Variants in NBAS observed in about 807,000 individuals in gnomAD.
The protein encoded by NBAS is NAG/BC035112 fusion.
In NBAS, 219 loss-of-function variants were observed where a neutral mutation model predicts 302.5. The observed-to-expected ratio is 0.72, with a 90% confidence interval of 0.65 to 0.81. The LOEUF is 0.81. Among genes scored for constraint, NBAS ranks in the 30% least tolerant of loss-of-function variants. NBAS has a pLI of 0.00. For missense variants in NBAS, 2,932 were observed against 2,841.6 expected (o/e 1.03, Z -0.72); for synonymous variants, 1,118 against 1,021.6 (o/e 1.09, Z -1.80).
At chr2:15,474,666 T>C (rs2148586643) in intron 14 of NBAS, among the ~76,000 whole-genome samples, 1 of 152,234 alleles carries the variant, frequency 6.6e-6, no homozygotes, top group East Asian at 1.9e-4. Context: ...GTTCAGACGA[T>C]TCTCCTGCCT....
the NBAS span, among the ~76,000 whole-genome samples, chr2:14,864,818 G>T: frequency 1.3e-5 from 2 of 152,224 alleles, no homozygotes; most frequent in East Asian, 1.9e-4. Context: ...GTTGATGAAA[G>T]AATTAAATAC....
At chr2:14,994,189 G>A in the NBAS span, among the ~76,000 whole-genome samples, 40 of 152,176 alleles carry the variant, frequency 2.6e-4, no homozygotes, top group Non-Finnish European at 5.4e-4. Flanking sequence ...TGCTCAATAA[G>A]TGTATGTTTA....
At chr2:15,014,986 A>G in the NBAS span, among the ~76,000 whole-genome samples, 1 of 151,952 alleles carries the variant, frequency 6.6e-6, no homozygotes, top group Non-Finnish European at 1.5e-5. Context: ...AAAGGACATC[A>G]GAGACTACTA....
intron 29 of NBAS, among the ~76,000 whole-genome samples, chr2:15,381,717 T>G (rs1357734505): frequency 6.6e-6 from 1 of 152,230 alleles, no homozygotes; most frequent in Non-Finnish European, 1.5e-5. Flanking sequence ...GTTTCAGGTT[T>G]TGCTTTAGAT....
chr2:15,122,046 C>A, the NBAS span, among the ~76,000 whole-genome samples: 3 of 152,008 alleles, frequency 2.0e-5, no homozygotes, highest in African/African-American at 7.2e-5. Flanking sequence ...CTCCTAAATC[C>A]CCCTCAAAAC....
At position 15,536,308 on chromosome 2, in the gene NBAS, C is replaced by T. The variant is rs1366825660; in HGVS notation, c.647+110G>A. 4 of 1,306,260 alleles carry T rather than the reference C, an allele frequency of 3.1e-6. No individual in the cohort carries two copies. The East Asian group carries it at 7.0e-5, about 23-fold the overall frequency. 80.9% of individuals were successfully genotyped at this position (1,306,260 alleles called of 1,614,324 possible). On this transcript the variant is annotated intron_variant, in intron 8 of 51. Coordinates refer to ENST00000281513, the MANE Select transcript of NBAS (RefSeq NM_015909.4). ...TCTTTCAAATTCCCTATTATATTTG[C>T]AATTTTTCATAATAGACAGAAAGCA... is the stretch of plus-strand genomic sequence containing the variant.
chr2:15,023,241 A>C, the NBAS span, among the ~76,000 whole-genome samples: 1 of 152,140 alleles, frequency 6.6e-6, no homozygotes, highest in Non-Finnish European at 1.5e-5. Context: ...CAAGTAGCTA[A>C]CTCATTTTTA....
chr2:15,151,672 A>C, the NBAS span, among the ~76,000 whole-genome samples: 1 of 152,170 alleles, frequency 6.6e-6, no homozygotes. Flanking sequence ...TTAACAGATA[A>C]GGTACTTGGC....
chr2:14,833,932 G>C, the NBAS span, among the ~76,000 whole-genome samples: 1 of 151,996 alleles, frequency 6.6e-6, no homozygotes, highest in Non-Finnish European at 1.5e-5. Context: ...ATATATGAAG[G>C]ACTATTTTCT....
At chr2:15,399,983 T>C (rs985115702) in intron 26 of NBAS, among the ~76,000 whole-genome samples, 2 of 152,156 alleles carry the variant, frequency 1.3e-5, no homozygotes, top group Non-Finnish European at 2.9e-5. Flanking sequence ...GGCATTTTCC[T>C]AATATGTGAC....
In NBAS at chr2:15,232,466, G is replaced by C. The variant is rs754803835; in HGVS notation, c.6192C>G (p.Val2064=). 6.2e-7 allele frequency: 1 copy of C among 1,613,998 alleles called. No individual in the cohort carries two copies. The highest frequency in any genetic ancestry group is 1.1e-5 in the South Asian group (1 of 91,064). ...GGACTGCTGCAACAACACCTTCCAG[G>C]ACCTTCAGTGGGTCCCTTGGCCCAC... ...DLGGPRDPLK[V]LEGVVAAVHA... is the part of the protein sequence containing the mutation. Residue 2064 remains valine (V), a synonymous_variant, in exon 47 of 52, where the codon GTC becomes GTG. Transcript: ENST00000281513.
the NBAS span, among the ~76,000 whole-genome samples, chr2:15,034,037 A>AGGAGG: frequency 0.036 from 1,490 of 41,814 alleles, 102 homozygotes; most frequent in African/African-American, 0.061. Flanking sequence ...GAGGAGGAGG[A>AGGAGG]AGGAGGAGGA....
At position 15,215,820 on chromosome 2, in the gene NBAS, T is replaced by G. The variant is rs960266942; in HGVS notation, c.6432+2953A>C. Among the ~76,000 whole-genome samples the G allele has an allele frequency of 9.2e-5, 14 of 152,104 alleles. No homozygotes were observed. The South Asian group carries it at 2.5e-3, about 27-fold the overall frequency. Reference sequence around the variant, plus strand: ...AGAATCTTCCCCCAAATTCTAAAACTAGTGGTAGAGGGAGGATGGTCACAC... The same window carrying G: ...AGAATCTTCCCCCAAATTCTAAAACGAGTGGTAGAGGGAGGATGGTCACAC... On this transcript the variant is annotated intron_variant, in intron 48 of 51. Transcript: ENST00000281513.
At chr2:14,944,385 C>T in the NBAS span, among the ~76,000 whole-genome samples, 2 of 152,194 alleles carry the variant, frequency 1.3e-5, no homozygotes, top group South Asian at 4.1e-4. Context: ...TGCTTCACTT[C>T]AAGTATCTCA....
Position 15,218,766 on chromosome 2 carries a change from C to G in NBAS, c.6432+7G>C, listed in dbSNP as rs753328761. On this transcript the variant is annotated splice_region_variant and intron_variant, in intron 48 of 51. Transcript: ENST00000281513. ...TAAGAAAAATAATCATTCAGACACT[C>G]CCTTACCTGTCTCTGGGGCCAGGAG... The G allele has an allele frequency of 6.4e-5, 104 of 1,614,092 alleles. No individual in the cohort carries two copies. Among genetic ancestry groups the G allele is most frequent in the Non-Finnish European group, 8.6e-5 (101 of 1,180,018 alleles).
At chr2:14,975,827 GA>G in the NBAS span, among the ~76,000 whole-genome samples, 26,574 of 145,966 alleles carry the variant, frequency 0.18, 2,590 homozygotes, top group Middle Eastern at 0.28. Flanking sequence ...ATGACTGGTA[GA>G]AAAAAAAAAA....
chr2:15,236,450 G>C (rs1353184174), intron 45 of NBAS, among the ~76,000 whole-genome samples: 2 of 146,164 alleles, frequency 1.4e-5, no homozygotes, highest in African/African-American at 5.1e-5. Context: ...TCAAGAGGCT[G>C]AGGTGGGAGG....
chr2:15,356,921 G>C (rs1207774415), intron 32 of NBAS, among the ~76,000 whole-genome samples: 1 of 152,118 alleles, frequency 6.6e-6, no homozygotes, highest in African/African-American at 2.4e-5. Context: ...ATTCTCGTTG[G>C]GCTCCTCTGA....
the NBAS span, among the ~76,000 whole-genome samples, chr2:15,118,154 A>G: frequency 6.6e-6 from 1 of 152,186 alleles, no homozygotes; most frequent in Admixed American, 6.5e-5. Context: ...AGGCGGGCAG[A>G]GGAGGCTCTA....
Sources: gnomAD v4.1 joint callset for allele counts (sites outside exome capture counted in the v4.1 genomes callset) on GRCh38, gnomAD v4.1.1 for gene constraint, MANE v1.5 for transcripts, NCBI Gene and HGNC (gene_info 2026-07-23, HGNC 2026-07-21) for gene names.